The following CLNK variants were observed in gnomAD, a reference collection of about 807,000 sequenced individuals.
CLNK encodes cytokine-dependent hematopoietic cell linker.
CLNK carries 74 observed loss-of-function variants against 68.6 expected under a neutral mutation model. That is an observed-to-expected ratio of 1.08 (90% CI 0.89 to 1.31). The LOEUF (loss-of-function observed/expected upper bound fraction) is 1.31, where lower values mean the gene tolerates loss of function less well. CLNK is among the 50% of genes most tolerant of loss of function. The pLI is 0.00. For synonymous variants in CLNK, 198 were observed against 172.2 expected, an observed-to-expected ratio of 1.15 and a Z score of -1.17; for missense variants, 553 against 515.3, an observed-to-expected ratio of 1.07 and a Z score of -0.71.
chr4:10,732,201 A>G, the CLNK span, among the ~76,000 whole-genome samples: 1 of 152,222 alleles, frequency 6.6e-6, no homozygotes, highest in Non-Finnish European at 1.5e-5. Context: ...CATTTTTAAT[A>G]ATAGCTCTGT....
intron 2 of CLNK, among the ~76,000 whole-genome samples, chr4:10,656,147 C>G (rs937058513): frequency 6.6e-6 from 1 of 151,876 alleles, no homozygotes; most frequent in Non-Finnish European, 1.5e-5. Context: ...TGTTAAGTTT[C>G]TTTAAACAAT....
At chr4:10,539,682 A>T (rs57058868) in intron 11 of CLNK, among the ~76,000 whole-genome samples, 1 of 152,246 alleles carries the variant, frequency 6.6e-6, no homozygotes, top group Admixed American at 6.5e-5. Context: ...TTGGGAATGA[A>T]GAGCCATCAT....
intron 2 of CLNK, among the ~76,000 whole-genome samples, chr4:10,617,208 T>C (rs1722270913): frequency 6.6e-6 from 1 of 152,134 alleles, no homozygotes; most frequent in Admixed American, 6.5e-5. Context: ...AATGCATACA[T>C]ATATAAATTA....
intron 11 of CLNK, among the ~76,000 whole-genome samples, chr4:10,535,926 A>G (rs1718744415): frequency 1.3e-5 from 2 of 152,244 alleles, no homozygotes; most frequent in Non-Finnish European, 2.9e-5. Context: ...AGAATGTCCA[A>G]CCAACATTCT....
At position 10,500,941 on chromosome 4, in the gene CLNK, G is replaced by A. The variant is rs76398472; in HGVS notation, c.1140+315C>T. ...TCTGCAGTGGCATTTCAGTGCTGAG[G>A]AGGGAAAGGAATTTGGCATTAGTGT... is the stretch of plus-strand genomic sequence containing the variant. On this transcript the variant is annotated intron_variant, in intron 18 of 18. Transcript: ENST00000226951. Among the ~76,000 whole-genome samples the A allele has an allele frequency of 7.4e-3, 1,122 of 152,324 alleles. 13 individuals carry two copies. Among genetic ancestry groups the A allele is most frequent in the African/African-American group, 0.026 (1,065 of 41,554 alleles).
At chr4:10,616,588 T>C (rs1214183238) in intron 2 of CLNK, among the ~76,000 whole-genome samples, 1 of 152,132 alleles carries the variant, frequency 6.6e-6, no homozygotes, top group Non-Finnish European at 1.5e-5. Flanking sequence ...TATACTAATT[T>C]GTCAGTTGCA....
the CLNK span, among the ~76,000 whole-genome samples, chr4:10,706,502 C>T: frequency 1.3e-5 from 2 of 152,170 alleles, no homozygotes; most frequent in Middle Eastern, 3.2e-3. Flanking sequence ...ATTTCAATTC[C>T]TCCTGAGGCA....
chr4:10,672,327 T>A (rs1197112029), intron 1 of CLNK, among the ~76,000 whole-genome samples: 1 of 152,188 alleles, frequency 6.6e-6, no homozygotes, highest in African/African-American at 2.4e-5. Flanking sequence ...TTTGAACAGG[T>A]GAGTTTGTTT....
At chr4:10,594,456 G>A (rs111882816) in intron 3 of CLNK, among the ~76,000 whole-genome samples, 1,593 of 152,310 alleles carry the variant, frequency 0.01, 25 homozygotes, top group Non-Finnish European at 0.016. Flanking sequence ...CCACAGGGAG[G>A]GCTTATTTCA....
chr4:10,495,005 T>C (rs1364970020), intron 18 of CLNK, among the ~76,000 whole-genome samples: 1 of 151,294 alleles, frequency 6.6e-6, no homozygotes, highest in East Asian at 1.9e-4. Context: ...GGTACACACA[T>C]GAGAGTGAAA....
Position 10,631,726 on chromosome 4 carries a change from A to C in CLNK, c.12-33677T>G, listed in dbSNP as rs928714920. On this transcript the variant is annotated intron_variant, in intron 2 of 18. Transcript: ENST00000226951. ...AAGGGAAACGAACAAGTGAAAGGGA[A>C]AATATTTCAACTGTAGTGTCTGCCA... 4.6e-5 allele frequency among the ~76,000 whole-genome samples: 7 copies of C among 152,376 alleles called. No homozygotes were observed. The East Asian group carries it at 1.3e-3, about 29-fold the overall frequency.
chr4:10,677,515 A>C (rs1368776023), intron 1 of CLNK, among the ~76,000 whole-genome samples: 2 of 152,044 alleles, frequency 1.3e-5, no homozygotes, highest in East Asian at 3.9e-4. Flanking sequence ...TCTCATCTCG[A>C]TTTGTAATCC....
Position 10,604,893 on chromosome 4 carries a change from C to T in CLNK, c.12-6844G>A, listed in dbSNP as rs147632673. On this transcript the variant is annotated intron_variant, in intron 2 of 18. Transcript: ENST00000226951. ...TTGTTTGTTCAAACACCAGTGTAGACGTTGCTGTGAAGCTATTTCTTAGAT... is the reference window on the plus strand; with the variant it reads ...TTGTTTGTTCAAACACCAGTGTAGATGTTGCTGTGAAGCTATTTCTTAGAT... 2.0e-3 allele frequency among the ~76,000 whole-genome samples: 305 copies of T among 152,254 alleles called. 3 individuals carry two copies. Among genetic ancestry groups the T allele is most frequent in the African/African-American group, 5.6e-3 (234 of 41,550 alleles).
chr4:10,671,166 A>G (rs1724618496), intron 1 of CLNK, among the ~76,000 whole-genome samples: 1 of 152,112 alleles, frequency 6.6e-6, no homozygotes, highest in South Asian at 2.1e-4. Context: ...CGACTGGATC[A>G]CCTGAGGCCA....
rs1560206954 is a variant in CLNK, at chr4:10,537,698, C to CTTTCTTTCTTTCTTT, written c.602+2795_602+2796insAAAGAAAGAAAGAAA. Among the ~76,000 whole-genome samples the CTTTCTTTCTTTCTTT allele has an allele frequency of 5.4e-3, 70 of 12,948 alleles. 2 individuals carry two copies. Among genetic ancestry groups the CTTTCTTTCTTTCTTT allele is most frequent in the Middle Eastern group, 0.038 (1 of 26 alleles). The allele number at this position is 12,948 out of a possible 152,430, so 8.5% of individuals were successfully genotyped here. On this transcript the variant is annotated intron_variant, in intron 11 of 18. Coordinates refer to ENST00000226951, the MANE Select transcript of CLNK (RefSeq NM_052964.4). ...TTCTTTCTTCCTTCCTTCCTTCCTT[C>CTTTCTTTCTTTCTTT]CTTCCTTCCTTTCTTTCTTTCTTTC...
chr4:10,522,239 C>CA (rs1560199767), intron 14 of CLNK, among the ~76,000 whole-genome samples: 6 of 117,128 alleles, frequency 5.1e-5, no homozygotes, highest in South Asian at 3.0e-4. Flanking sequence ...GCCTGGGCAA[C>CA]AGAGTGAGAC....
intron 8 of CLNK, among the ~76,000 whole-genome samples, chr4:10,544,326 T>C (rs1037850234): frequency 1.3e-5 from 2 of 152,208 alleles, no homozygotes; most frequent in African/African-American, 4.8e-5. Flanking sequence ...ATTGAGCACA[T>C]AGTATGTGTT....
At position 10,564,746 on chromosome 4, in the gene CLNK, AGTG is replaced by A. The variant is rs1720036997; in HGVS notation, c.321_323del (p.Thr108del). The A allele has an allele frequency of 6.2e-7, 1 of 1,613,048 alleles. No individual in the cohort carries two copies. Among genetic ancestry groups the A allele is most frequent in the African/African-American group, 1.3e-5 (1 of 74,882 alleles). ...AGGTCCTGGTGTCTAACGGAAGGGGAGTGTCCATTGCAACCTTGAAATAGTGTG... is the reference window on the plus strand; with the variant it reads ...AGGTCCTGGTGTCTAACGGAAGGGGATCCATTGCAACCTTGAAATAGTGTG... On this transcript the variant is annotated inframe_deletion, in exon 7 of 19. Coordinates refer to ENST00000226951, the MANE Select transcript of CLNK (RefSeq NM_052964.4).
chr4:10,659,861 CT>C (rs1724126435), intron 2 of CLNK, among the ~76,000 whole-genome samples: 1 of 152,056 alleles, frequency 6.6e-6, no homozygotes, highest in Non-Finnish European at 1.5e-5. Context: ...TAATTAAAAA[CT>C]TTTGGCAATC....
Sources: gnomAD v4.1 joint callset for allele counts (sites outside exome capture counted in the v4.1 genomes callset) on GRCh38, gnomAD v4.1.1 for gene constraint, MANE v1.5 for transcripts, NCBI Gene and HGNC (gene_info 2026-07-23, HGNC 2026-07-21) for gene names.